The following TMPRSS15 variants were observed in gnomAD, a reference collection of about 807,000 sequenced individuals.
The protein encoded by TMPRSS15 is transmembrane serine protease 15, also known as enteropeptidase.
Under a neutral mutation model 125.3 loss-of-function variants are expected in TMPRSS15, and 128 were observed. The ratio of observed to expected loss-of-function variants is 1.02; its 90% CI spans 0.89 to 1.18. TMPRSS15 has a LOEUF of 1.18. TMPRSS15 is among the 50% of genes most tolerant of loss of function. The pLI is 0.00. For synonymous variants in TMPRSS15, 446 were observed against 423.2 expected, an observed-to-expected ratio of 1.05 and a Z score of -0.66; for missense variants, 1,283 against 1,212.7, an observed-to-expected ratio of 1.06 and a Z score of -0.86.
At chr21:18,383,851 A>C (rs2075917230) in intron 3 of TMPRSS15, 73 bp from the exon 4 acceptor site, 1 of 1,526,064 alleles carries the variant, frequency 6.6e-7, no homozygotes, top group Non-Finnish European at 8.9e-7. Flanking sequence ...TTCATGTTAA[A>C]TGTCTTTGAA....
intron 14 of TMPRSS15, among the ~76,000 whole-genome samples, chr21:18,330,042 T>C (rs1482743002): frequency 6.6e-6 from 1 of 152,174 alleles, no homozygotes; most frequent in Non-Finnish European, 1.5e-5. Flanking sequence ...AAAGCAGAAT[T>C]ATCTCTTTTG....
intron 1 of TMPRSS15, among the ~76,000 whole-genome samples, chr21:18,465,238 C>G (rs2122955304): frequency 9.9e-5 from 15 of 152,078 alleles, no homozygotes; most frequent in Non-Finnish European, 2.1e-4. Context: ...TCTCAATAAA[C>G]TAGATACTGA....
chr21:18,327,658 T>A (rs1385385566), intron 15 of TMPRSS15, among the ~76,000 whole-genome samples: 1 of 152,198 alleles, frequency 6.6e-6, no homozygotes, highest in African/African-American at 2.4e-5. Context: ...GTATCCTGAC[T>A]GCATATCTAT....
intron 1 of TMPRSS15, among the ~76,000 whole-genome samples, chr21:18,475,713 G>T (rs8133105): frequency 0.057 from 8,684 of 152,216 alleles, 725 homozygotes; most frequent in African/African-American, 0.18. Flanking sequence ...AAATGATATA[G>T]GTTGTTTGGC....
chr21:18,296,109 CGCCACTGCACTCCA>C (rs1413766808), intron 19 of TMPRSS15, among the ~76,000 whole-genome samples: 2 of 152,090 alleles, frequency 1.3e-5, no homozygotes, highest in African/African-American at 4.8e-5. Context: ...GCCGAGATCA[CGCCACTGCACTCCA>C]GCCTGGGCAA....
intron 21 of TMPRSS15, among the ~76,000 whole-genome samples, chr21:18,284,226 A>G (rs2074736564): frequency 6.6e-6 from 1 of 152,082 alleles, no homozygotes; most frequent in Admixed American, 6.6e-5. Flanking sequence ...TAACTTCCCC[A>G]CCACAAAACC....
Position 18,365,177 on chromosome 21 carries a change from GT to G in TMPRSS15, c.735del (p.Lys245AsnfsTer15). The G allele has an allele frequency of 1.2e-6, 2 of 1,614,050 alleles. No homozygotes were observed. The highest frequency in any genetic ancestry group is 1.7e-6 in the Non-Finnish European group (2 of 1,179,982). ...TGGCAGACAACACTTGTTTCAGAAG[GT>G]TTTGGATAATGAGTAGCCTGGAAAG... is the stretch of plus-strand genomic sequence containing the variant. ...SGSFQATHYP[K>X]PSETSVVCQW... is the part of the protein sequence containing the mutation. On this transcript the variant is annotated frameshift_variant, in exon 7 of 25. Coordinates refer to ENST00000284885, the MANE Select transcript of TMPRSS15 (RefSeq NM_002772.3). LOFTEE classifies it high-confidence loss of function.
At chr21:18,416,243 C>A (rs993017712) in intron 1 of TMPRSS15, among the ~76,000 whole-genome samples, 1 of 151,900 alleles carries the variant, frequency 6.6e-6, no homozygotes, top group Non-Finnish European at 1.5e-5. Context: ...AGGTGAAATG[C>A]TATATTCATC....
rs376753496 is a variant in TMPRSS15, at chr21:18,353,021, A to T, written c.1053T>A (p.Asp351Glu). Residue 351 changes from aspartate (D) to glutamate (E), a missense_variant, in exon 10 of 25, where the codon GAT becomes GAA. By Grantham distance (45) the Asp-to-Glu change is conservative. Coordinates refer to ENST00000284885, the MANE Select transcript of TMPRSS15 (RefSeq NM_002772.3). ...GATCCTGGACCCAGAAACAAAAGCC[A>T]TCCTCAAAGTTACAATTAATTTTCT... is the stretch of plus-strand genomic sequence containing the variant. ...NYEKINCNFEDGFCFWVQDLN... is the reference protein window; with the variant it reads ...NYEKINCNFEEGFCFWVQDLN... 6 of 1,611,090 alleles carry T rather than the reference A, an allele frequency of 3.7e-6. No individual in the cohort carries two copies. Among genetic ancestry groups the T allele is most frequent in the Non-Finnish European group, 5.1e-6 (6 of 1,178,728 alleles).
intron 1 of TMPRSS15, among the ~76,000 whole-genome samples, chr21:18,480,531 A>G (rs1444971252): frequency 6.6e-6 from 1 of 151,840 alleles, no homozygotes; most frequent in Non-Finnish European, 1.5e-5. Context: ...AAAACCGGCA[A>G]GTTTAGTTTG....
chr21:18,378,957 C>T (rs1601413730), intron 5 of TMPRSS15, among the ~76,000 whole-genome samples: 1 of 151,998 alleles, frequency 6.6e-6, no homozygotes, highest in Admixed American at 6.6e-5. Flanking sequence ...GAAAAAAAAT[C>T]CCTAATATCT....
chr21:18,278,622 T>TGGCGTTACTTGG (rs1432078232), intron 23 of TMPRSS15, among the ~76,000 whole-genome samples: 11 of 152,056 alleles, frequency 7.2e-5, no homozygotes, highest in South Asian at 2.1e-4. Context: ...TTTGGGAGGC[T>TGGCGTTACTTGG]GAGACAGGAG....
intron 1 of TMPRSS15, among the ~76,000 whole-genome samples, chr21:18,426,602 T>C (rs1392401387): frequency 6.6e-6 from 1 of 152,228 alleles, no homozygotes; most frequent in Non-Finnish European, 1.5e-5. Flanking sequence ...GTCTACGCTA[T>C]GTGATAAAAA....
intron 1 of TMPRSS15, among the ~76,000 whole-genome samples, chr21:18,441,352 A>G (rs187042615): frequency 6.6e-6 from 1 of 152,092 alleles, no homozygotes; most frequent in East Asian, 1.9e-4. Flanking sequence ...CACACCTGTA[A>G]TCCCAGCACT....
At chr21:18,387,903 T>C (rs1601425011) in intron 3 of TMPRSS15, among the ~76,000 whole-genome samples, 1 of 152,168 alleles carries the variant, frequency 6.6e-6, no homozygotes, top group African/African-American at 2.4e-5. Flanking sequence ...TTTCTGATTT[T>C]ATCAATTGGA....
At chr21:18,288,372 T>G (rs2074790516) in intron 21 of TMPRSS15, among the ~76,000 whole-genome samples, 1 of 152,114 alleles carries the variant, frequency 6.6e-6, no homozygotes, top group Admixed American at 6.6e-5. Context: ...GAAATTAATG[T>G]GTAGAGTGTA....
At chr21:18,325,591 A>G (rs2075280295) in intron 16 of TMPRSS15, among the ~76,000 whole-genome samples, 1 of 152,078 alleles carries the variant, frequency 6.6e-6, no homozygotes, top group Non-Finnish European at 1.5e-5. Context: ...AAATACATCA[A>G]TTCCATAAAT....
chr21:18,433,686 A>AAAAAAAAAG (rs1555912318), intron 1 of TMPRSS15, among the ~76,000 whole-genome samples: 1 of 150,756 alleles, frequency 6.6e-6, no homozygotes, highest in Non-Finnish European at 1.5e-5. Context: ...AAAAAAAAAA[A>AAAAAAAAAG]GAAAATAACA....
chr21:18,300,255 T>A (rs1313587113), intron 18 of TMPRSS15, among the ~76,000 whole-genome samples: 1 of 151,754 alleles, frequency 6.6e-6, no homozygotes, highest in East Asian at 1.9e-4. Flanking sequence ...TTTTTCTTCT[T>A]TCTCTCTTTC....
Sources: allele counts gnomAD v4.1 joint callset (sites outside exome capture counted in the v4.1 genomes callset), GRCh38; gene constraint gnomAD v4.1.1; transcripts MANE v1.5; gene names NCBI Gene and HGNC (gene_info 2026-07-23, HGNC 2026-07-21).